The following PTGIS variants were observed in gnomAD, a reference collection of about 807,000 sequenced individuals.
PTGIS encodes prostaglandin I2 synthase, also known as prostacyclin synthase.
A neutral mutation model predicts 50.3 loss-of-function variants in PTGIS; 45 were observed. The ratio of observed to expected loss-of-function variants is 0.90; its 90% CI spans 0.70 to 1.15. PTGIS has a LOEUF of 1.15. Among genes scored for constraint, PTGIS ranks in the 50% most tolerant of loss-of-function variants. PTGIS has a pLI of 0.00. For missense variants in PTGIS, 668 were observed against 661.3 expected (o/e 1.01, Z -0.11); for synonymous variants, 260 against 267.7 (o/e 0.97, Z 0.28).
chr20:49,533,327 T>C (rs957211093), intron 5 of PTGIS, among the ~76,000 whole-genome samples: 1 of 152,092 alleles, frequency 6.6e-6, no homozygotes, highest in South Asian at 2.1e-4. Context: ...CCCAAAACAA[T>C]GTTCAAATAA....
chr20:49,554,336 A>G (rs1376177890), intron 1 of PTGIS, among the ~76,000 whole-genome samples: 1 of 152,198 alleles, frequency 6.6e-6, no homozygotes, highest in Non-Finnish European at 1.5e-5. Context: ...ATTTCTTAAT[A>G]TGTCTAAATT....
rs1170776510 is a variant in PTGIS at position 49,514,412 on chromosome 20, C to T, written c.856-17G>A. 6.2e-7 allele frequency: 1 copy of T among 1,612,128 alleles called. No individual in the cohort carries two copies. Among genetic ancestry groups the T allele is most frequent in the Non-Finnish European group, 8.5e-7 (1 of 1,179,750 alleles). On this transcript the variant is annotated splice_polypyrimidine_tract_variant and intron_variant, in intron 6 of 9. Coordinates refer to ENST00000244043, the MANE Select transcript of PTGIS (RefSeq NM_000961.4). ...CATATTCCCCTGCAAGGAGAAGGGC[C>T]CCTGTTATGCCATTATGAGGGCAGA... is the stretch of plus-strand genomic sequence containing the variant.
At chr20:49,550,320 C>A in intron 1 of PTGIS, 131 bp from the exon 2 acceptor site, 2 of 1,171,842 alleles carry the variant, frequency 1.7e-6, no homozygotes, top group East Asian at 4.8e-5. Flanking sequence ...GGACTATTGC[C>A]TCACCTGCTC....
intron 9 of PTGIS, among the ~76,000 whole-genome samples, chr20:49,508,535 A>C (rs1413334485): frequency 6.6e-6 from 1 of 152,098 alleles, no homozygotes; most frequent in African/African-American, 2.4e-5. Flanking sequence ...TGCAGAGCTG[A>C]GCCTGTGCTG....
chr20:49,522,939 G>T (rs996760619), intron 6 of PTGIS, among the ~76,000 whole-genome samples: 27 of 152,128 alleles, frequency 1.8e-4, no homozygotes, highest in Admixed American at 1.8e-3. Context: ...CAGGAGAATC[G>T]CTTGAACTCA....
At position 49,539,739 on chromosome 20, in the gene PTGIS, A is replaced by G; in HGVS notation, c.522-18T>C. 1.2e-6 allele frequency: 2 copies of G among 1,606,442 alleles called. No homozygotes were observed. The highest frequency in any genetic ancestry group is 1.7e-6 in the Non-Finnish European group (2 of 1,179,050). On this transcript the variant is annotated intron_variant, in intron 4 of 9. Transcript: ENST00000244043. Reference sequence around the variant, plus strand: ...AGCCGGCTCTGGGGGCGGCAGACAGAGGGTCAGGGGTCCTCCTGGGACACT... The same window carrying G: ...AGCCGGCTCTGGGGGCGGCAGACAGGGGGTCAGGGGTCCTCCTGGGACACT...
At chr20:49,546,164 G>C (rs1454400699) in intron 3 of PTGIS, among the ~76,000 whole-genome samples, 1 of 152,182 alleles carries the variant, frequency 6.6e-6, no homozygotes, top group Non-Finnish European at 1.5e-5. Context: ...GTCCTCAGCA[G>C]AGACAAGCCC....
At chr20:49,519,373 G>C (rs1981584717) in intron 6 of PTGIS, among the ~76,000 whole-genome samples, 1 of 152,024 alleles carries the variant, frequency 6.6e-6, no homozygotes, top group Non-Finnish European at 1.5e-5. Flanking sequence ...AGTATCTTTT[G>C]AGATTATTAT....
Position 49,568,104 on chromosome 20 carries a change from C to T in PTGIS, c.13G>A (p.Ala5Thr), listed in dbSNP as rs1218302512. 2.8e-6 allele frequency: 3 copies of T among 1,069,766 alleles called. No individual in the cohort carries two copies. Among genetic ancestry groups the T allele is most frequent in the Non-Finnish European group, 3.6e-6 (3 of 836,452 alleles). 66.3% of individuals were successfully genotyped at this position (1,069,766 alleles called of 1,614,324 possible). A position where few individuals can be genotyped will look rare whatever the true frequency, so the allele number is the denominator to read the frequency against. MAWA[A>T]LLGLLAALLL... The stretch of plus-strand genomic sequence containing the variant: ...AGTGCGGCCAGGAGGCCGAGGAGCG[C>T]GGCCCAAGCCATCGCGGGGCTGGCG... Residue 5 changes from alanine (A) to threonine (T), a missense_variant, in exon 1 of 10, where the codon GCG (alanine) becomes ACG (threonine). Transcript: ENST00000244043.
chr20:49,550,340 T>C (rs1982474904), intron 1 of PTGIS, 151 bp from the exon 2 acceptor site: 1 of 1,031,922 alleles, frequency 9.7e-7, no homozygotes, highest in Non-Finnish European at 1.5e-6. Context: ...CCTTTTCTCT[T>C]GTAACATGTG....
chr20:49,544,204 C>T (rs1029747195), intron 4 of PTGIS, 101 bp downstream of exon 4: 138 of 1,504,238 alleles, frequency 9.2e-5, no homozygotes, highest in Non-Finnish European at 1.1e-4. Context: ...AATTGCTTCC[C>T]CCACCCACAG....
chr20:49,541,814 G>T (rs1982237851), intron 4 of PTGIS, among the ~76,000 whole-genome samples: 1 of 152,210 alleles, frequency 6.6e-6, no homozygotes, highest in Non-Finnish European at 1.5e-5. Flanking sequence ...TTTGCTCTGT[G>T]GAAGCGAAGC....
intron 5 of PTGIS, among the ~76,000 whole-genome samples, chr20:49,537,961 A>G (rs1358209338): frequency 6.6e-6 from 1 of 152,166 alleles, no homozygotes; most frequent in African/African-American, 2.4e-5. Flanking sequence ...CAATAAAAAG[A>G]ACAAGCTGTT....
At chr20:49,559,942 T>G (rs865950695) in intron 1 of PTGIS, among the ~76,000 whole-genome samples, 28 of 133,818 alleles carry the variant, frequency 2.1e-4, no homozygotes, top group East Asian at 1.0e-3. Context: ...TTTTTTTTTT[T>G]GAGACGGAAT....
Position 49,549,567 on chromosome 20 carries a change from G to C in PTGIS, c.198+499C>G, listed in dbSNP as rs1160235227. The stretch of plus-strand genomic sequence containing the variant: ...AGTGGAAGAACTCTGGGTAGATCTG[G>C]GCAGACACATGAAGGGATAGAAGAT... On this transcript the variant is annotated intron_variant, in intron 2 of 9. Coordinates refer to ENST00000244043, the MANE Select transcript of PTGIS (RefSeq NM_000961.4). 3.9e-5 allele frequency among the ~76,000 whole-genome samples: 6 copies of C among 152,262 alleles called. No homozygotes were observed. The East Asian group carries it at 9.6e-4, about 24-fold the overall frequency.
intron 7 of PTGIS, among the ~76,000 whole-genome samples, chr20:49,513,824 G>A (rs1981395294): frequency 6.6e-6 from 1 of 152,150 alleles, no homozygotes; most frequent in Non-Finnish European, 1.5e-5. Flanking sequence ...AGAGCCAGGA[G>A]GAAGTCAGCC....
rs373689951 is a variant in PTGIS, at chr20:49,507,891, C to A, written c.*29G>T. 1 of 1,607,144 alleles carries A rather than the reference C, an allele frequency of 6.2e-7. No homozygotes were observed. Among genetic ancestry groups the A allele is most frequent in the Non-Finnish European group, 8.5e-7 (1 of 1,179,946 alleles). On this transcript the variant is annotated 3_prime_UTR_variant, in exon 10 of 10. Coordinates refer to ENST00000244043, the MANE Select transcript of PTGIS (RefSeq NM_000961.4). Reference sequence around the variant, plus strand: ...CAGGCTGGGGCAGGCTGGGCAGAGGCGAGCACGTGGATCCATCTGCTCCCT... The same window carrying A: ...CAGGCTGGGGCAGGCTGGGCAGAGGAGAGCACGTGGATCCATCTGCTCCCT...
rs1424050690 is a variant in PTGIS at position 49,514,433 on chromosome 20, G to A, written c.856-38C>T. ...GGGCCCCTGTTATGCCATTATGAGGGCAGAGCTGACTCGTCTCTGCCAGGG... is the reference window on the plus strand; with the variant it reads ...GGGCCCCTGTTATGCCATTATGAGGACAGAGCTGACTCGTCTCTGCCAGGG... On this transcript the variant is annotated intron_variant, in intron 6 of 9. Transcript: ENST00000244043. 3 of 1,607,100 alleles carry A rather than the reference G, an allele frequency of 1.9e-6. No individual in the cohort carries two copies. In the South Asian group the frequency reaches 3.3e-5, roughly 18 times the overall value.
chr20:49,523,450 T>G lies in PTGIS; in HGVS notation c.855+608A>C, dbSNP rs539099080. 8.6e-5 allele frequency among the ~76,000 whole-genome samples: 13 copies of G among 151,962 alleles called. No homozygotes were observed. In the South Asian group the frequency reaches 1.0e-3, roughly 12 times the overall value. Reference sequence around the variant, plus strand: ...TTCATTAAACTATTTATTAAACTTTTCTATAAATTTAACATTTTTCCAAAT... The same window carrying G: ...TTCATTAAACTATTTATTAAACTTTGCTATAAATTTAACATTTTTCCAAAT... On this transcript the variant is annotated intron_variant, in intron 6 of 9. Transcript: ENST00000244043.
Sources: gnomAD v4.1 joint callset for allele counts (sites outside exome capture counted in the v4.1 genomes callset) on GRCh38, gnomAD v4.1.1 for gene constraint, MANE v1.5 for transcripts, NCBI Gene and HGNC (gene_info 2026-07-23, HGNC 2026-07-21) for gene names.